The following ZFAT variants were observed in gnomAD, a reference collection of about 807,000 sequenced individuals.
ZFAT encodes zinc finger protein ZFAT.
In ZFAT, 64 loss-of-function variants were observed where a neutral mutation model predicts 117.7. The ratio of observed to expected loss-of-function variants is 0.54; its 90% confidence interval spans 0.44 to 0.67. The LOEUF (loss-of-function observed/expected upper bound fraction) is 0.67. ZFAT is among the 30% of genes least tolerant of loss of function. The pLI, the probability that ZFAT is intolerant of heterozygous loss-of-function variation, is 0.00. For synonymous variants in ZFAT, 679 were observed against 615.0 expected (o/e 1.10, Z -1.54); for missense variants, 1,433 against 1,584.5 (o/e 0.90, Z 1.62).
At chr8:134,717,832 T>C (rs983651781), upstream of ZFAT, among the ~76,000 whole-genome samples, 1 of 151,878 alleles carries the variant, frequency 6.6e-6, no homozygotes, top group Admixed American at 6.6e-5. Flanking sequence ...GTAATTGGGA[T>C]TACAAGCGCT....
At chr8:134,781,961 G>GCTTC in the ZFAT span, among the ~76,000 whole-genome samples, 485 of 152,288 alleles carry the variant, frequency 3.2e-3, 2 homozygotes, top group African/African-American at 0.011. Context: ...TATCAGTAAG[G>GCTTC]CTTCCAGTCA....
intron 11 of ZFAT, among the ~76,000 whole-genome samples, chr8:134,543,850 A>C (rs1822472737): frequency 6.6e-6 from 1 of 152,196 alleles, no homozygotes; most frequent in Non-Finnish European, 1.5e-5. Flanking sequence ...GTGGGATGAC[A>C]CTGTATAAAT....
At chr8:134,753,469 T>C in the ZFAT span, among the ~76,000 whole-genome samples, 3 of 152,158 alleles carry the variant, frequency 2.0e-5, no homozygotes, top group Non-Finnish European at 2.9e-5. Context: ...CTTTAAGAGG[T>C]ATTTAAATTC....
chr8:134,714,568 GA>G (rs1306129383), upstream of ZFAT, among the ~76,000 whole-genome samples: 1 of 152,098 alleles, frequency 6.6e-6, no homozygotes, highest in Non-Finnish European at 1.5e-5. Context: ...CTGTTCTTGG[GA>G]AATACGGAAC....
intron 5 of ZFAT, among the ~76,000 whole-genome samples, chr8:134,605,729 A>T (rs1827841258): frequency 6.6e-6 from 1 of 152,222 alleles, no homozygotes; most frequent in African/African-American, 2.4e-5. Context: ...AGGTACCAAC[A>T]TAGGGAACTA....
chr8:134,675,983 C>A (rs1832779121), intron 1 of ZFAT, among the ~76,000 whole-genome samples: 1 of 152,054 alleles, frequency 6.6e-6, no homozygotes, highest in South Asian at 2.1e-4. Flanking sequence ...CCAGCCACTG[C>A]AAAAACATAC....
the ZFAT span, among the ~76,000 whole-genome samples, chr8:134,790,762 C>T: frequency 0.071 from 10,831 of 152,202 alleles, 527 homozygotes; most frequent in African/African-American, 0.13. Context: ...TGACTGTAAT[C>T]GTAACACTTT....
chr8:134,756,503 C>A, the ZFAT span, among the ~76,000 whole-genome samples: 1 of 152,210 alleles, frequency 6.6e-6, no homozygotes, highest in Non-Finnish European at 1.5e-5. Flanking sequence ...GGTGCTGTTT[C>A]CTTCATTTAG....
At chr8:134,823,902 G>A in the ZFAT span, among the ~76,000 whole-genome samples, 18 of 152,028 alleles carry the variant, frequency 1.2e-4, no homozygotes, top group East Asian at 1.5e-3. Context: ...GCATAATGTC[G>A]GACACTGTCA....
the ZFAT span, among the ~76,000 whole-genome samples, chr8:134,728,337 T>C: frequency 2.7e-4 from 41 of 151,954 alleles, no homozygotes; most frequent in African/African-American, 9.4e-4. Context: ...TGCAAAATAT[T>C]TCTACGCAAG....
chr8:134,752,383 CTTGAGCCATCT>C, the ZFAT span, among the ~76,000 whole-genome samples: 141 of 152,370 alleles, frequency 9.3e-4, 1 homozygote, highest in Non-Finnish European at 1.5e-3. Flanking sequence ...CACCCCCGCC[CTTGAGCCATCT>C]TGAACAACTT....
the ZFAT span, among the ~76,000 whole-genome samples, chr8:134,783,202 A>G: frequency 0.011 from 1,715 of 152,174 alleles, 32 homozygotes; most frequent in African/African-American, 0.039. Flanking sequence ...TTTTTTCATT[A>G]TATTTCTGCT....
the ZFAT span, among the ~76,000 whole-genome samples, chr8:134,755,551 C>T: frequency 6.6e-6 from 1 of 151,864 alleles, no homozygotes; most frequent in Non-Finnish European, 1.5e-5. Flanking sequence ...GTGGCTCATG[C>T]CTGTAATCCC....
At chr8:134,817,167 T>A in the ZFAT span, among the ~76,000 whole-genome samples, 5 of 152,074 alleles carry the variant, frequency 3.3e-5, no homozygotes, top group Non-Finnish European at 7.4e-5. Context: ...TCAGTTGACA[T>A]TAAGAAAAAG....
At chr8:134,756,351 C>T in the ZFAT span, among the ~76,000 whole-genome samples, 11 of 152,288 alleles carry the variant, frequency 7.2e-5, no homozygotes, top group East Asian at 1.2e-3. Context: ...TTCTTGTGAT[C>T]GTGACCATGA....
chr8:134,828,836 A>G, the ZFAT span, among the ~76,000 whole-genome samples: 1 of 152,210 alleles, frequency 6.6e-6, no homozygotes, highest in Non-Finnish European at 1.5e-5. Flanking sequence ...CCAAAATAGC[A>G]TTTTTCACAA....
chr8:134,694,922 C>T (rs935838245), intron 1 of ZFAT, among the ~76,000 whole-genome samples: 19 of 152,150 alleles, frequency 1.2e-4, no homozygotes, highest in African/African-American at 4.3e-4. Context: ...TATCTAAGGT[C>T]TTCATTTTTT....
the ZFAT span, among the ~76,000 whole-genome samples, chr8:134,750,187 C>T: frequency 4.6e-5 from 7 of 152,024 alleles, no homozygotes; most frequent in Non-Finnish European, 7.4e-5. Flanking sequence ...CCTTTAGAGG[C>T]CTTCTGCATC....
At chr8:134,722,149 G>A in the ZFAT span, among the ~76,000 whole-genome samples, 19 of 152,216 alleles carry the variant, frequency 1.2e-4, no homozygotes, top group Non-Finnish European at 2.5e-4. Context: ...CACCACTCAC[G>A]GGAGAAAAAA....
Sources: allele counts gnomAD v4.1 joint callset (sites outside exome capture counted in the v4.1 genomes callset), GRCh38; gene constraint gnomAD v4.1.1; transcripts MANE v1.5; gene names NCBI Gene and HGNC (gene_info 2026-07-23, HGNC 2026-07-21).